Variants in KDM4C observed in about 807,000 individuals in gnomAD.
The protein encoded by KDM4C is lysine demethylase 4C.
A neutral mutation model predicts 129.3 loss-of-function variants in KDM4C; 81 were observed. The observed-to-expected ratio is 0.63, with a 90% confidence interval of 0.52 to 0.75. The LOEUF is 0.75. Ranked by LOEUF, KDM4C falls within the 30% of genes least tolerant of loss-of-function variation. KDM4C has a pLI of 0.00. For synonymous variants in KDM4C, 573 were observed against 456.1 expected, an observed-to-expected ratio of 1.26 and a Z score of -3.26; for missense variants, 1,457 against 1,304.0, an observed-to-expected ratio of 1.12 and a Z score of -1.81.
intron 1 of KDM4C, among the ~76,000 whole-genome samples, chr9:6,761,206 A>G (rs1819424674): frequency 6.6e-6 from 1 of 151,588 alleles, no homozygotes; most frequent in Admixed American, 6.6e-5. Context: ...ACAGGGTTTC[A>G]CCATGTTGTT....
At chr9:6,907,311 T>C (rs2131039611) in intron 8 of KDM4C, among the ~76,000 whole-genome samples, 1 of 152,324 alleles carries the variant, frequency 6.6e-6, no homozygotes, top group East Asian at 1.9e-4. Context: ...AGGAATGAAC[T>C]TGAGATACAG....
chr9:6,926,279 A>T (rs1207993192), intron 8 of KDM4C, among the ~76,000 whole-genome samples: 3 of 147,452 alleles, frequency 2.0e-5, no homozygotes, highest in Non-Finnish European at 4.5e-5. Flanking sequence ...GAATTAACTG[A>T]GGTAATATAA....
At chr9:6,816,380 C>T (rs937451164) in intron 4 of KDM4C, among the ~76,000 whole-genome samples, 5 of 152,182 alleles carry the variant, frequency 3.3e-5, no homozygotes, top group Non-Finnish European at 5.9e-5. Context: ...AATTCCCTTA[C>T]CTGCCCTATT....
intron 17 of KDM4C, among the ~76,000 whole-genome samples, chr9:7,050,218 T>C (rs982454234): frequency 1.3e-5 from 2 of 151,870 alleles, no homozygotes; most frequent in African/African-American, 2.4e-5. Flanking sequence ...AGGAAATATA[T>C]GGGCCTTTCA....
chr9:7,096,600 C>G (rs1359505787), intron 17 of KDM4C, among the ~76,000 whole-genome samples: 1 of 152,178 alleles, frequency 6.6e-6, no homozygotes, highest in African/African-American at 2.4e-5. Context: ...ACCTGGGAGA[C>G]TAGAGGAGTA....
chr9:7,146,868 G>A (rs1039664538), intron 19 of KDM4C, among the ~76,000 whole-genome samples: 5 of 152,170 alleles, frequency 3.3e-5, no homozygotes, highest in African/African-American at 9.6e-5. Flanking sequence ...TCTGTGTTCT[G>A]TTGTAGCCTC....
At chr9:6,876,308 A>C (rs1373532399) in intron 5 of KDM4C, among the ~76,000 whole-genome samples, 1 of 152,092 alleles carries the variant, frequency 6.6e-6, no homozygotes, top group South Asian at 2.1e-4. Flanking sequence ...CCTAAATATG[A>C]CTCAGTTGCT....
chr9:6,761,027 A>C (rs1439485236), intron 1 of KDM4C, among the ~76,000 whole-genome samples: 5 of 133,732 alleles, frequency 3.7e-5, no homozygotes, highest in Non-Finnish European at 7.7e-5. Context: ...TTTGAGACGG[A>C]ATCTCGCTCT....
intron 1 of KDM4C, among the ~76,000 whole-genome samples, chr9:6,778,469 T>G (rs1823575956): frequency 6.6e-6 from 1 of 151,766 alleles, no homozygotes; most frequent in Admixed American, 6.6e-5. Context: ...TACAAAAGTT[T>G]ATCAGATTTT....
At chr9:7,131,823 A>G (rs912175361) in intron 19 of KDM4C, among the ~76,000 whole-genome samples, 3 of 152,218 alleles carry the variant, frequency 2.0e-5, no homozygotes, top group African/African-American at 2.4e-5. Flanking sequence ...GAATAATTAT[A>G]TGGTGAAAAC....
At position 6,974,678 on chromosome 9, in the gene KDM4C, C is replaced by G. The variant is rs1004911837; in HGVS notation, c.922-6247C>G. 15 of 152,088 alleles carry G rather than the reference C, an allele frequency of 9.9e-5. 1 individual carries two copies. The highest frequency in any genetic ancestry group is 8.5e-4 in the Admixed American group (13 of 15,278). 9.4% of individuals were successfully genotyped at this position (152,088 alleles called of 1,614,324 possible). Reference sequence around the variant, plus strand: ...CTGCCTGTCTGTTTTCATATGTGATCATATAGACTCATACAAATATTTATG... The same window carrying G: ...CTGCCTGTCTGTTTTCATATGTGATGATATAGACTCATACAAATATTTATG... On this transcript the variant is annotated intron_variant, in intron 8 of 21. Transcript: ENST00000381309.
intron 15 of KDM4C, among the ~76,000 whole-genome samples, chr9:7,043,045 C>T (rs1035107091): frequency 6.6e-6 from 1 of 151,918 alleles, no homozygotes; most frequent in African/African-American, 2.4e-5. Flanking sequence ...AGTTTGATAA[C>T]CATTGGGTTG....
At chr9:7,007,968 A>T (rs1423787732) in intron 12 of KDM4C, among the ~76,000 whole-genome samples, 1 of 152,188 alleles carries the variant, frequency 6.6e-6, no homozygotes, top group Non-Finnish European at 1.5e-5. Flanking sequence ...CATCGATTTA[A>T]CAACTATCAA....
chr9:7,019,291 A>G (rs1431026996), intron 15 of KDM4C, among the ~76,000 whole-genome samples: 1 of 152,144 alleles, frequency 6.6e-6, no homozygotes, highest in Non-Finnish European at 1.5e-5. Context: ...TCAGCAATCA[A>G]TCTCATATCT....
chr9:6,791,769 T>A (rs1826672162), intron 1 of KDM4C, among the ~76,000 whole-genome samples: 1 of 152,202 alleles, frequency 6.6e-6, no homozygotes, highest in African/African-American at 2.4e-5. Context: ...ATGCCTGTAA[T>A]CCCAGCACTT....
At chr9:7,150,826 G>A (rs1309011153) in intron 19 of KDM4C, among the ~76,000 whole-genome samples, 1 of 152,146 alleles carries the variant, frequency 6.6e-6, no homozygotes, top group African/African-American at 2.4e-5. Flanking sequence ...GGCCTTTTAA[G>A]GTTTTTGCAT....
intron 1 of KDM4C, among the ~76,000 whole-genome samples, chr9:6,743,786 C>T (rs930827008): frequency 8.6e-5 from 13 of 152,032 alleles, no homozygotes; most frequent in Middle Eastern, 3.4e-3. Context: ...GGATAACAGG[C>T]GTGAGTCACC....
At chr9:7,152,457 T>A (rs1479567464) in intron 19 of KDM4C, among the ~76,000 whole-genome samples, 1 of 152,154 alleles carries the variant, frequency 6.6e-6, no homozygotes, top group African/African-American at 2.4e-5. Context: ...ACGAAAGAAA[T>A]ATTGTAGGAT....
At chr9:7,143,064 T>C (rs1841910612) in intron 19 of KDM4C, among the ~76,000 whole-genome samples, 1 of 152,196 alleles carries the variant, frequency 6.6e-6, no homozygotes, top group African/African-American at 2.4e-5. Context: ...ATCACTGAAG[T>C]CCCACTCCCT....
Sources: gnomAD v4.1 joint callset for allele counts (sites outside exome capture counted in the v4.1 genomes callset) on GRCh38, gnomAD v4.1.1 for gene constraint, MANE v1.5 for transcripts, NCBI Gene and HGNC (gene_info 2026-07-23, HGNC 2026-07-21) for gene names.